C10orf90: variants seen among roughly 807,000 people sequenced by gnomAD.
The protein encoded by C10orf90 is (E2-independent) E3 ubiquitin-conjugating enzyme FATS.
A neutral mutation model predicts 62.5 loss-of-function variants in C10orf90; 56 were observed. The observed-to-expected ratio is 0.90, with a 90% CI of 0.72 to 1.12. The LOEUF is 1.12. C10orf90 is among the 50% of genes most tolerant of loss of function. The pLI, the probability that C10orf90 is intolerant of heterozygous loss-of-function variation, is 0.00. For synonymous variants in C10orf90, 386 were observed against 340.4 expected (o/e 1.13, Z -1.47); for missense variants, 970 against 880.4 (o/e 1.10, Z -1.29).
At chr10:126,451,176 G>A (rs1859159323) in intron 7 of C10orf90, among the ~76,000 whole-genome samples, 1 of 152,074 alleles carries the variant, frequency 6.6e-6, no homozygotes, top group Non-Finnish European at 1.5e-5. Flanking sequence ...TATTATCAAA[G>A]ACAAACTATA....
chr10:126,439,002 C>T (rs1369199811), intron 7 of C10orf90, among the ~76,000 whole-genome samples: 1 of 152,102 alleles, frequency 6.6e-6, no homozygotes, highest in African/African-American at 2.4e-5. Flanking sequence ...TCCATTGGTA[C>T]CATACATCGT....
At chr10:126,502,117 A>C (rs897729893) in intron 4 of C10orf90, among the ~76,000 whole-genome samples, 1 of 140,132 alleles carries the variant, frequency 7.1e-6, no homozygotes, top group Non-Finnish European at 1.5e-5. Context: ...ACACACACAC[A>C]CCACACACAC....
chr10:126,565,321 T>C (rs1353601327), intron 2 of C10orf90, among the ~76,000 whole-genome samples: 1 of 55,124 alleles, frequency 1.8e-5, no homozygotes, highest in African/African-American at 8.8e-5. Context: ...ATTATATATA[T>C]TATATATTTA....
At chr10:126,457,603 T>G (rs1859668697) in intron 7 of C10orf90, among the ~76,000 whole-genome samples, 1 of 152,148 alleles carries the variant, frequency 6.6e-6, no homozygotes, top group Non-Finnish European at 1.5e-5. Context: ...AGTGGCATCA[T>G]TCTATAATTG....
rs116641424 is a variant in C10orf90 at position 126,570,002 on chromosome 10, G to A, written c.314-56063C>T. Among the ~76,000 whole-genome samples, 918 of 152,298 alleles carry A rather than the reference G, an allele frequency of 6.0e-3. 10 individuals are homozygous for A. Among genetic ancestry groups the A allele is most frequent in the African/African-American group, 0.021 (875 of 41,564 alleles). ...TGGTGACGGTACTAAATGATTCATC[G>A]TAATCCTTGTGAACCAGAGGCAACA... is the stretch of plus-strand genomic sequence containing the variant. On this transcript the variant is annotated intron_variant, in intron 2 of 9. Transcript: ENST00000488181.
At position 126,513,672 on chromosome 10, in the gene C10orf90, T is replaced by C. The variant is rs1485217782; in HGVS notation, c.405+176A>G. ...TAAGATGCTGCAAGCTTACAAATTGTTGCTGAAGATGATAAAAGAATAATT... is the reference window on the plus strand; with the variant it reads ...TAAGATGCTGCAAGCTTACAAATTGCTGCTGAAGATGATAAAAGAATAATT... On this transcript the variant is annotated intron_variant, in intron 3 of 9. Coordinates refer to ENST00000488181, the MANE Select transcript of C10orf90 (RefSeq NM_001350921.2). Among the ~76,000 whole-genome samples, 3 of 152,258 alleles carry C rather than the reference T, an allele frequency of 2.0e-5. No individual in the cohort carries two copies. The East Asian group carries it at 5.8e-4, about 29-fold the overall frequency.
At chr10:126,454,988 A>G (rs1310587322) in intron 7 of C10orf90, among the ~76,000 whole-genome samples, 1 of 151,970 alleles carries the variant, frequency 6.6e-6, no homozygotes, top group Non-Finnish European at 1.5e-5. Context: ...TTCCCTTGGC[A>G]TGCCTGGGTG....
intron 7 of C10orf90, among the ~76,000 whole-genome samples, chr10:126,444,887 C>T (rs758735815): frequency 4.7e-4 from 71 of 152,086 alleles, no homozygotes; most frequent in Non-Finnish European, 8.4e-4. Context: ...AGCCACTGAT[C>T]TTTGACAAAG....
intron 2 of C10orf90, among the ~76,000 whole-genome samples, chr10:126,562,328 G>T (rs1026544861): frequency 6.6e-6 from 1 of 152,090 alleles, no homozygotes; most frequent in Non-Finnish European, 1.5e-5. Context: ...AAGTCCAAAG[G>T]CTGGGCCTCT....
At chr10:126,533,232 C>T (rs1244472928) in intron 2 of C10orf90, among the ~76,000 whole-genome samples, 1 of 152,110 alleles carries the variant, frequency 6.6e-6, no homozygotes, top group African/African-American at 2.4e-5. Flanking sequence ...CAGCACCCGG[C>T]CTGCTATTGT....
chr10:126,628,211 C>T (rs986851984), intron 2 of C10orf90, among the ~76,000 whole-genome samples: 1 of 152,206 alleles, frequency 6.6e-6, no homozygotes, highest in African/African-American at 2.4e-5. Context: ...ACAAGGCAGC[C>T]TCTAAAGATT....
In C10orf90 at chr10:126,473,649, AT is replaced by A. The variant is rs55819559; in HGVS notation, c.1535-8664del. On this transcript the variant is annotated intron_variant, in intron 4 of 9. Coordinates refer to ENST00000488181, the MANE Select transcript of C10orf90 (RefSeq NM_001350921.2). Reference sequence around the variant, plus strand: ...CCAGGCTGCCCACCTCTGGATTTTTATTTTTTTTTTACAATAGATACGCTCT... The same window carrying A: ...CCAGGCTGCCCACCTCTGGATTTTTATTTTTTTTTACAATAGATACGCTCT... 7.2e-3 allele frequency among the ~76,000 whole-genome samples: 1,086 copies of A among 149,820 alleles called. 17 individuals carry two copies. The highest frequency in any genetic ancestry group is 0.025 in the African/African-American group (1,014 of 40,888).
intron 2 of C10orf90, among the ~76,000 whole-genome samples, chr10:126,532,220 T>C (rs1211327943): frequency 1.3e-5 from 2 of 152,176 alleles, no homozygotes; most frequent in Non-Finnish European, 2.9e-5. Context: ...TAACTTGACC[T>C]GTGGCTCTAT....
At chr10:126,668,683 C>T (rs1230954262) in intron 1 of C10orf90, among the ~76,000 whole-genome samples, 1 of 152,246 alleles carries the variant, frequency 6.6e-6, no homozygotes, top group Non-Finnish European at 1.5e-5. Context: ...CAGGCCCTTC[C>T]TGGACAACTT....
intron 2 of C10orf90, among the ~76,000 whole-genome samples, chr10:126,542,050 A>G (rs764521872): frequency 6.6e-6 from 1 of 152,234 alleles, no homozygotes; most frequent in Admixed American, 6.5e-5. Context: ...ATGCCACACG[A>G]AAGAAGCCAG....
At chr10:126,551,157 A>T (rs1864621416) in intron 2 of C10orf90, among the ~76,000 whole-genome samples, 1 of 152,222 alleles carries the variant, frequency 6.6e-6, no homozygotes, top group African/African-American at 2.4e-5. Flanking sequence ...TGAAGAGGAC[A>T]TTCATCCCCT....
chr10:126,622,115 C>T (rs1039756343), intron 2 of C10orf90, among the ~76,000 whole-genome samples: 2 of 152,146 alleles, frequency 1.3e-5, no homozygotes, highest in African/African-American at 4.8e-5. Flanking sequence ...AGTGTGAGAA[C>T]TGTCTGCAGG....
chr10:126,649,563 T>G (rs1311961100), intron 1 of C10orf90, among the ~76,000 whole-genome samples: 1 of 152,214 alleles, frequency 6.6e-6, no homozygotes, highest in Non-Finnish European at 1.5e-5. Context: ...TCATATGACC[T>G]GCCCACATGC....
chr10:126,506,078 C>G (rs1429500806), intron 3 of C10orf90, among the ~76,000 whole-genome samples: 1 of 152,154 alleles, frequency 6.6e-6, no homozygotes, highest in African/African-American at 2.4e-5. Context: ...GACACTGGAC[C>G]AAGGCACATG....
Sources: allele counts gnomAD v4.1 joint callset (sites outside exome capture counted in the v4.1 genomes callset), GRCh38; gene constraint gnomAD v4.1.1; transcripts MANE v1.5; gene names NCBI Gene and HGNC (gene_info 2026-07-23, HGNC 2026-07-21).